COL11A1: variants seen among roughly 807,000 people sequenced by gnomAD.
COL11A1 encodes collagen type XI alpha 1 chain, also known as collagen alpha-1(XI) chain.
A neutral mutation model predicts 265.2 loss-of-function variants in COL11A1; 74 were observed. That is an observed-to-expected ratio of 0.28 (90% CI 0.23 to 0.34). COL11A1 has a LOEUF of 0.34. Among genes scored for constraint, COL11A1 ranks in the 10% least tolerant of loss-of-function variants. The pLI, the probability that COL11A1 is intolerant of heterozygous loss-of-function variation, is 1.00. For missense variants in COL11A1, 2,165 were observed against 2,263.6 expected (o/e 0.96, Z 0.88); for synonymous variants, 816 against 727.6 (o/e 1.12, Z -1.96).
intron 37 of COL11A1, among the ~76,000 whole-genome samples, chr1:102,969,347 G>A (rs1348441177): frequency 2.6e-5 from 4 of 152,120 alleles, no homozygotes; most frequent in African/African-American, 9.7e-5. Context: ...TATTCAGGGT[G>A]CCCCCTACCC....
intron 24 of COL11A1, among the ~76,000 whole-genome samples, chr1:103,000,583 T>C (rs188265470): frequency 2.6e-4 from 39 of 151,830 alleles, no homozygotes; most frequent in African/African-American, 7.7e-4. Flanking sequence ...ACGAGAATGA[T>C]CGTAATCAAG....
Position 103,082,970 on chromosome 1 carries a change from C to T in COL11A1, c.109G>A (p.Ala37Thr). The T allele has an allele frequency of 6.2e-7, 1 of 1,612,372 alleles. No homozygotes were observed. Reference sequence around the variant, plus strand: ...AGTGCTTTTAGTACATCAACTGGAGCAGCTGAAAAATAAGCAAACAATAAA... The same window carrying T: ...AGTGCTTTTAGTACATCAACTGGAGTAGCTGAAAAATAAGCAAACAATAAA... ...LFQAREVRGA[A>T]PVDVLKALDF... The change falls in exon 2 of 67, where the codon GCT becomes ACT. Residue 37 changes from alanine to threonine, a missense_variant and splice_region_variant. Coordinates refer to ENST00000370096, the MANE Select transcript of COL11A1 (RefSeq NM_001854.4).
intron 3 of COL11A1, among the ~76,000 whole-genome samples, chr1:103,078,286 GAAC>G (rs1672132405): frequency 1.3e-5 from 2 of 151,914 alleles, no homozygotes; most frequent in Non-Finnish European, 2.9e-5. Context: ...GCTTCTCCTG[GAAC>G]ACTAGTCTTT....
intron 37 of COL11A1, among the ~76,000 whole-genome samples, chr1:102,968,579 G>A (rs1447158309): frequency 6.6e-6 from 1 of 152,078 alleles, no homozygotes; most frequent in East Asian, 1.9e-4. Flanking sequence ...TAAATATATG[G>A]CAAAGAATGC....
intron 54 of COL11A1, among the ~76,000 whole-genome samples, chr1:102,902,578 G>T (rs1030246800): frequency 6.6e-6 from 1 of 151,796 alleles, no homozygotes; most frequent in Non-Finnish European, 1.5e-5. Flanking sequence ...GAATCTCCTA[G>T]AAAGGTATAT....
At chr1:103,099,777 C>T (rs544813475) in intron 1 of COL11A1, among the ~76,000 whole-genome samples, 2 of 151,670 alleles carry the variant, frequency 1.3e-5, no homozygotes, top group African/African-American at 2.4e-5. Flanking sequence ...TCAGTGGCAC[C>T]TTTGGAGAGA....
intron 1 of COL11A1, among the ~76,000 whole-genome samples, chr1:103,100,943 A>G (rs1674214806): frequency 6.6e-6 from 1 of 152,032 alleles, no homozygotes; most frequent in African/African-American, 2.4e-5. Context: ...ATGAAAGTGC[A>G]TATGACAGAA....
chr1:102,996,433 GA>G (rs1664637442), intron 26 of COL11A1, among the ~76,000 whole-genome samples: 1 of 151,540 alleles, frequency 6.6e-6, no homozygotes, highest in South Asian at 2.1e-4. Context: ...ATTTCAAATA[GA>G]AAATTATAAA....
At chr1:102,962,121 G>C in intron 40 of COL11A1, 55 bp downstream of exon 40, 1 of 1,400,638 alleles carries the variant, frequency 7.1e-7, no homozygotes, top group Non-Finnish European at 1.0e-6. Flanking sequence ...GAGAAAAAAT[G>C]CTTCTAATAA....
At position 103,027,063 on chromosome 1, in the gene COL11A1, T is replaced by TA. The variant is rs535818311; in HGVS notation, c.781-732dup. Among the ~76,000 whole-genome samples, 8 of 151,786 alleles carry TA rather than the reference T, an allele frequency of 5.3e-5. No homozygotes were observed. In the East Asian group the frequency reaches 5.8e-4, roughly 11 times the overall value. On this transcript the variant is annotated intron_variant, in intron 5 of 66. Transcript: ENST00000370096. The stretch of plus-strand genomic sequence containing the variant: ...TTAAAATCACTGCCTTTTTCTCTAT[T>TA]AAAAAAGGCATAACACTTAGCTTTC...
intron 66 of COL11A1, among the ~76,000 whole-genome samples, chr1:102,878,502 A>ATATATATATATT (rs1317411971): frequency 7.9e-6 from 1 of 126,674 alleles, no homozygotes; most frequent in African/African-American, 3.1e-5. Flanking sequence ...ATATATATAT[A>ATATATATATATT]TTCTTTTTCT....
intron 57 of COL11A1, among the ~76,000 whole-genome samples, chr1:102,891,443 C>T (rs551824401): frequency 2.0e-5 from 3 of 151,688 alleles, no homozygotes; most frequent in Non-Finnish European, 4.4e-5. Flanking sequence ...TTAATAGTCC[C>T]AGACTAAGAC....
intron 63 of COL11A1, among the ~76,000 whole-genome samples, chr1:102,884,857 C>T (rs1650762392): frequency 6.6e-6 from 1 of 152,164 alleles, no homozygotes; most frequent in South Asian, 2.1e-4. Context: ...TGTTCTGAAA[C>T]TTTTTAATAA....
chr1:103,033,491 G>A (rs1408329346), intron 4 of COL11A1, among the ~76,000 whole-genome samples: 1 of 151,948 alleles, frequency 6.6e-6, no homozygotes, highest in African/African-American at 2.4e-5. Context: ...ACACAAAAAT[G>A]TTATCTTATG....
intron 1 of COL11A1, among the ~76,000 whole-genome samples, chr1:103,093,523 C>G (rs1166913585): frequency 6.6e-6 from 1 of 152,106 alleles, no homozygotes; most frequent in Non-Finnish European, 1.5e-5. Flanking sequence ...GCAAATTCTA[C>G]AGTTGTGCAA....
chr1:103,014,645 T>C, intron 12 of COL11A1, 51 bp from the exon 13 acceptor site: 1 of 1,465,710 alleles, frequency 6.8e-7, no homozygotes, highest in South Asian at 1.1e-5. Context: ...TCAAACATGT[T>C]GAATTACGTG....
At position 102,913,502 on chromosome 1, in the gene COL11A1, T is replaced by A. The variant is rs546029942; in HGVS notation, c.4032+135A>T. 49 of 767,868 alleles carry A rather than the reference T, an allele frequency of 6.4e-5. No homozygotes were observed. The African/African-American group carries it at 7.9e-4, about 12-fold the overall frequency. 47.6% of individuals were successfully genotyped at this position (767,868 alleles called of 1,614,324 possible). ...TTGATTTTTAATGGGAATTCAAAAA[T>A]TTTTTTGATAATTCTTTCAAAAAAG... is the stretch of plus-strand genomic sequence containing the variant. On this transcript the variant is annotated intron_variant, in intron 53 of 66. Coordinates refer to ENST00000370096, the MANE Select transcript of COL11A1 (RefSeq NM_001854.4).
At chr1:102,990,362 T>C (rs1664017123) in intron 28 of COL11A1, among the ~76,000 whole-genome samples, 1 of 151,956 alleles carries the variant, frequency 6.6e-6, no homozygotes, top group South Asian at 2.1e-4. Context: ...GTCCATTAGA[T>C]AAATGCCTTC....
At chr1:103,068,564 A>T (rs1671328470) in intron 4 of COL11A1, among the ~76,000 whole-genome samples, 1 of 151,560 alleles carries the variant, frequency 6.6e-6, no homozygotes, top group Admixed American at 6.6e-5. Context: ...CTTACACAAG[A>T]TATATTCAAT....
Sources: gnomAD v4.1 joint callset for allele counts (sites outside exome capture counted in the v4.1 genomes callset) on GRCh38, gnomAD v4.1.1 for gene constraint, MANE v1.5 for transcripts, NCBI Gene and HGNC (gene_info 2026-07-23, HGNC 2026-07-21) for gene names.